LRIG1: variants seen among roughly 807,000 people sequenced by gnomAD.
LRIG1 encodes the protein leucine rich repeats and immunoglobulin like domains 1.
LRIG1 carries 48 observed loss-of-function variants against 99.2 expected under a neutral mutation model. The observed-to-expected ratio is 0.48, with a 90% CI of 0.38 to 0.62. LRIG1 has a LOEUF of 0.62. Ranked by LOEUF, LRIG1 falls within the 20% of genes least tolerant of loss-of-function variation. The probability of loss-of-function intolerance (pLI) is 0.00; values close to 1 mark genes in which losing one functional copy is unlikely to be tolerated. For synonymous variants in LRIG1, 772 were observed against 596.1 expected (o/e 1.29, Z -4.30); for missense variants, 1,646 against 1,434.4 (o/e 1.15, Z -2.38).
chr3:66,429,179 A>C (rs1282707639), intron 3 of LRIG1, among the ~76,000 whole-genome samples: 2 of 152,132 alleles, frequency 1.3e-5, no homozygotes, highest in South Asian at 2.1e-4. Flanking sequence ...TCCCATCCCC[A>C]TGAGACTACC....
chr3:66,447,661 C>A (rs1372794521), intron 3 of LRIG1, among the ~76,000 whole-genome samples: 1 of 152,184 alleles, frequency 6.6e-6, no homozygotes, highest in Non-Finnish European at 1.5e-5. Flanking sequence ...GGGTAATATG[C>A]TACAGTCCAT....
chr3:66,463,449 ACTC>A (rs1700402479), intron 1 of LRIG1, among the ~76,000 whole-genome samples: 1 of 151,396 alleles, frequency 6.6e-6, no homozygotes. Context: ...CAGAATTAAA[ACTC>A]TCCCTGCTTC....
intron 1 of LRIG1, among the ~76,000 whole-genome samples, chr3:66,477,508 GC>G (rs1456997182): frequency 6.6e-6 from 1 of 152,156 alleles, no homozygotes; most frequent in Non-Finnish European, 1.5e-5. Context: ...CCCCAAAGAT[GC>G]CAAGGCACAA....
chr3:66,449,869 A>G (rs1460351685), intron 3 of LRIG1, among the ~76,000 whole-genome samples: 1 of 152,200 alleles, frequency 6.6e-6, no homozygotes, highest in Non-Finnish European at 1.5e-5. Context: ...TCGTGGACAA[A>G]CGGCCAGGGC....
chr3:66,426,080 G>C (rs952869730), intron 3 of LRIG1, among the ~76,000 whole-genome samples: 2 of 152,212 alleles, frequency 1.3e-5, no homozygotes, highest in African/African-American at 4.8e-5. Context: ...CAGGAAGAAA[G>C]GGCAAGGAGA....
At chr3:66,385,072 TAG>T (rs1417928323) in intron 13 of LRIG1, among the ~76,000 whole-genome samples, 1 of 152,202 alleles carries the variant, frequency 6.6e-6, no homozygotes, top group Non-Finnish European at 1.5e-5. Flanking sequence ...TCTTTTTAAC[TAG>T]AGAGTTAGTA....
rs1467407908 is a variant in LRIG1, at chr3:66,399,037, G to C, written c.1165C>G (p.Leu389Val). The C allele has an allele frequency of 2.5e-6, 4 of 1,613,766 alleles. No homozygotes were observed. Among genetic ancestry groups the C allele is most frequent in the Non-Finnish European group, 3.4e-6 (4 of 1,179,778 alleles). ...SGLDSLSKLT[L>V]FGNKIKSVAK... Reference sequence around the variant, plus strand: ...ACAGACTTGATCTTGTTTCCAAACAGAGTCCTGTAGTTTCCAAACATCCAG... The same window carrying C: ...ACAGACTTGATCTTGTTTCCAAACACAGTCCTGTAGTTTCCAAACATCCAG... The change falls in exon 10 of 19, where the codon CTG becomes GTG. Residue 389 changes from leucine to valine, a missense_variant. Coordinates refer to ENST00000273261, the MANE Select transcript of LRIG1 (RefSeq NM_015541.3).
intron 1 of LRIG1, among the ~76,000 whole-genome samples, chr3:66,492,247 C>CGGAAG (rs1701117919): frequency 6.6e-6 from 1 of 152,194 alleles, no homozygotes; most frequent in Non-Finnish European, 1.5e-5. Flanking sequence ...AGGCTATCAT[C>CGGAAG]AAGTAGGTAA....
In LRIG1 at chr3:66,381,472, C is replaced by T. The variant is rs1041498807; in HGVS notation, c.2770+7G>A. On this transcript the variant is annotated splice_region_variant and intron_variant, in intron 17 of 18. Transcript: ENST00000273261. ...AGAAACTACTTCCAATGGGAAGCAT[C>T]TCATACCCATCTTATGTGGCCCAGG... 2.5e-6 allele frequency: 4 copies of T among 1,611,666 alleles called. No homozygotes were observed. Among genetic ancestry groups the T allele is most frequent in the African/African-American group, 1.3e-5 (1 of 74,878 alleles).
intron 1 of LRIG1, among the ~76,000 whole-genome samples, chr3:66,475,068 C>T (rs774463842): frequency 6.6e-6 from 1 of 152,194 alleles, no homozygotes; most frequent in Non-Finnish European, 1.5e-5. Flanking sequence ...ACTGGTCATA[C>T]CAAATTGAGA....
chr3:66,455,730 C>T (rs531371361), intron 2 of LRIG1, among the ~76,000 whole-genome samples: 6 of 152,302 alleles, frequency 3.9e-5, no homozygotes, highest in Non-Finnish European at 7.3e-5. Context: ...ATATGGGTTT[C>T]GGAAGCAGGG....
At position 66,384,241 on chromosome 3, in the gene LRIG1, G is replaced by C. The variant is rs762129241; in HGVS notation, c.1821C>G (p.Asp607Glu). 1.9e-6 allele frequency: 3 copies of C among 1,612,762 alleles called. No individual in the cohort carries two copies. The highest frequency in any genetic ancestry group is 1.7e-6 in the Non-Finnish European group (2 of 1,178,798). ...CCATGGTGGTGGTCCGGATGGTTATGTCGTGGGGCGTTTTGGTGAATGATG... is the reference window on the plus strand; with the variant it reads ...CCATGGTGGTGGTCCGGATGGTTATCTCGTGGGGCGTTTTGGTGAATGATG... ...VLPSFTKTPHDITIRTTTMAR... is the reference protein window; with the variant it reads ...VLPSFTKTPHEITIRTTTMAR... The change falls in exon 14 of 19, where the codon GAC becomes GAG. Residue 607 changes from aspartate (D) to glutamate (E), a missense_variant. By Grantham distance (45) the Asp-to-Glu change is conservative. Coordinates refer to ENST00000273261, the MANE Select transcript of LRIG1 (RefSeq NM_015541.3).
intron 8 of LRIG1, among the ~76,000 whole-genome samples, chr3:66,406,806 G>A (rs1702284722): frequency 6.6e-6 from 1 of 152,190 alleles, no homozygotes; most frequent in Non-Finnish European, 1.5e-5. Flanking sequence ...CCCCGACGAG[G>A]TACAAGGAGA....
chr3:66,394,211 A>G lies in LRIG1; in HGVS notation c.1305-8T>C. 4 of 1,576,724 alleles carry G rather than the reference A, an allele frequency of 2.5e-6. No homozygotes were observed. Among genetic ancestry groups the G allele is most frequent in the Non-Finnish European group, 3.4e-6 (4 of 1,163,202 alleles). On this transcript the variant is annotated splice_polypyrimidine_tract_variant and splice_region_variant and intron_variant, in intron 11 of 18. Transcript: ENST00000273261. The stretch of plus-strand genomic sequence containing the variant: ...CTGTCGCTGCTGATATGGCTGAAAG[A>G]AACACAACAGTGGATGCTTCAGGTG...
intron 1 of LRIG1, among the ~76,000 whole-genome samples, chr3:66,483,821 G>C (rs760413902): frequency 6.6e-6 from 1 of 152,180 alleles, no homozygotes; most frequent in Non-Finnish European, 1.5e-5. Flanking sequence ...CTCGCCAAAC[G>C]CAACACAGAG....
At chr3:66,422,610 T>C (rs1702855048) in intron 3 of LRIG1, among the ~76,000 whole-genome samples, 1 of 152,198 alleles carries the variant, frequency 6.6e-6, no homozygotes, top group African/African-American at 2.4e-5. Flanking sequence ...TCAACAAGTC[T>C]CTAGGAAGTT....
rs1700935094 is a variant in LRIG1, at chr3:66,379,974, T to C, written c.*289A>G. 4.3e-6 allele frequency: 1 copy of C among 229,918 alleles called. No homozygotes were observed. Among genetic ancestry groups the C allele is most frequent in the East Asian group, 8.9e-5 (1 of 11,278 alleles). The allele number at this position is 229,918 out of a possible 1,614,324, so 14.2% of individuals were successfully genotyped here. On this transcript the variant is annotated 3_prime_UTR_variant, in exon 19 of 19. Coordinates refer to ENST00000273261, the MANE Select transcript of LRIG1 (RefSeq NM_015541.3). Reference sequence around the variant, plus strand: ...AATATTGTCAAAATTGTATAATTTTTTTCTGTTAACCATGCACTAAAGATT... The same window carrying C: ...AATATTGTCAAAATTGTATAATTTTCTTCTGTTAACCATGCACTAAAGATT...
intron 3 of LRIG1, among the ~76,000 whole-genome samples, chr3:66,436,649 A>C (rs1422570933): frequency 6.6e-6 from 1 of 151,510 alleles, no homozygotes; most frequent in Non-Finnish European, 1.5e-5. Context: ...AACTGTGACA[A>C]GCCTGCACAG....
intron 3 of LRIG1, among the ~76,000 whole-genome samples, chr3:66,428,812 G>A (rs1703063847): frequency 6.6e-6 from 1 of 152,336 alleles, no homozygotes; most frequent in Admixed American, 6.5e-5. Context: ...AGCCCAGCCT[G>A]GGTTATTTGC....
Sources: gnomAD v4.1 joint callset for allele counts (sites outside exome capture counted in the v4.1 genomes callset) on GRCh38, gnomAD v4.1.1 for gene constraint, MANE v1.5 for transcripts, NCBI Gene and HGNC (gene_info 2026-07-23, HGNC 2026-07-21) for gene names.